The following ADGRB1 variants were observed in gnomAD, a reference collection of about 807,000 sequenced individuals.
ADGRB1 encodes brain-specific angiogenesis inhibitor 1.
Under a neutral mutation model 175.7 loss-of-function variants are expected in ADGRB1, and 36 were observed. The ratio of observed to expected loss-of-function variants is 0.20; its 90% CI spans 0.16 to 0.27. ADGRB1 has a LOEUF of 0.27. Among genes scored for constraint, ADGRB1 ranks in the 10% least tolerant of loss-of-function variants. The probability of loss-of-function intolerance (pLI) is 1.00; values close to 1 mark genes in which losing one functional copy is unlikely to be tolerated. For missense variants in ADGRB1, 1,731 were observed against 2,255.3 expected (o/e 0.77, Z 4.71); for synonymous variants, 1,054 against 979.4 (o/e 1.08, Z -1.42).
At chr8:142,476,985 G>T (rs1352497754) in intron 4 of ADGRB1, 129 bp from the exon 5 acceptor site, 9 of 1,306,456 alleles carry the variant, frequency 6.9e-6, no homozygotes. Context: ...TGGTTCGAAG[G>T]CCCGGGGGCT....
At chr8:142,526,118 G>A (rs28430277) in intron 23 of ADGRB1, among the ~76,000 whole-genome samples, 38,027 of 152,056 alleles carry the variant, frequency 0.25, 5,137 homozygotes, top group African/African-American at 0.34. Context: ...TGGGAATAGG[G>A]GAGGGAGATC....
At chr8:142,516,452 GTCTGTGCGGGCCCCAGA>G (rs1843440879) in intron 18 of ADGRB1, among the ~76,000 whole-genome samples, 1 of 139,444 alleles carries the variant, frequency 7.2e-6, no homozygotes. Flanking sequence ...AGGTGCGTGT[GTCTGTGCGGGCCCCAGA>G]TGTGTGTGTG....
chr8:142,451,054 C>T (rs1409723969), intron 1 of ADGRB1, among the ~76,000 whole-genome samples: 1 of 152,184 alleles, frequency 6.6e-6, no homozygotes, highest in Non-Finnish European at 1.5e-5. Context: ...CGGCCCCCGC[C>T]CCCTCCTGGG....
intron 17 of ADGRB1, among the ~76,000 whole-genome samples, chr8:142,496,184 T>G: frequency 7.1e-6 from 1 of 141,102 alleles, no homozygotes; most frequent in Admixed American, 7.1e-5. Context: ...TGACTGAATG[T>G]GTGGATGGAG....
chr8:142,513,012 T>C (rs1463009003), intron 18 of ADGRB1, among the ~76,000 whole-genome samples: 1 of 151,574 alleles, frequency 6.6e-6, no homozygotes, highest in African/African-American at 2.4e-5. Flanking sequence ...TCCTGGGCCT[T>C]CTTTGGCAGG....
chr8:142,542,398 C>A lies in ADGRB1; in HGVS notation c.4164C>A (p.Leu1388=). The A allele has an allele frequency of 6.5e-7, 1 of 1,548,628 alleles. No individual in the cohort carries two copies. Among genetic ancestry groups the A allele is most frequent in the Non-Finnish European group, 8.7e-7 (1 of 1,147,730 alleles). The change falls in exon 28 of 31, where the codon CTC becomes CTA. Residue 1388 remains leucine, a synonymous_variant. Transcript: ENST00000517894. The surrounding 1 kb of genome is among the most constrained non-coding windows in gnomAD (Gnocchi z 6.3). ...TCAGCACGGCCCCCGAGGCCAGCCT[C>A]CCCGCCCGCAGCCCGCCCTCCCGCC... ...IHLSTAPEAS[L]PARSPPSRQP...
chr8:142,526,733 G>T (rs1466361943), intron 24 of ADGRB1, 106 bp downstream of exon 24: 38 of 1,156,374 alleles, frequency 3.3e-5, no homozygotes, highest in Non-Finnish European at 4.0e-5. Context: ...GAGACTGCAG[G>T]TCCAGGGACC....
chr8:142,486,108 C>T (rs1277908215), intron 13 of ADGRB1, among the ~76,000 whole-genome samples: 1 of 152,184 alleles, frequency 6.6e-6, no homozygotes, highest in African/African-American at 2.4e-5. Flanking sequence ...AGCTATAGCA[C>T]ACCACAGACA....
At position 142,464,345 on chromosome 8, in the gene ADGRB1, A is replaced by C. The variant is rs936748153; in HGVS notation, c.147A>C (p.Gly49=). 3.3e-6 allele frequency: 5 copies of C among 1,512,086 alleles called. No homozygotes were observed. Among genetic ancestry groups the C allele is most frequent in the African/African-American group, 1.4e-5 (1 of 69,468 alleles). The allele number at this position is 1,512,086 out of a possible 1,614,324, so 93.7% of individuals were successfully genotyped here. A position where few individuals can be genotyped will look rare whatever the true frequency, so the allele number is the denominator to read the frequency against. The part of the protein sequence containing the change: ...GPEPCATLVQ[G]KFFGYFSAAA... ...AGCCGTGCGCCACGCTGGTGCAGGG[A>C]AAGTTCTTCGGCTACTTCTCCGCGG... Residue 49 remains glycine (G), a synonymous_variant, in exon 2 of 31, where the codon GGA becomes GGC. Transcript: ENST00000517894.
intron 24 of ADGRB1, among the ~76,000 whole-genome samples, chr8:142,529,865 A>G (rs1184833995): frequency 6.9e-6 from 1 of 144,166 alleles, no homozygotes; most frequent in Non-Finnish European, 1.5e-5. Flanking sequence ...TGTGGGTGCA[A>G]CCTGGTGTGT....
chr8:142,459,301 G>A (rs1158900230), intron 1 of ADGRB1, among the ~76,000 whole-genome samples: 1 of 152,148 alleles, frequency 6.6e-6, no homozygotes, highest in East Asian at 1.9e-4. Context: ...GGCTCCCAGG[G>A]GATCCTCCCA....
chr8:142,465,388 C>T (rs1840218787), intron 2 of ADGRB1, among the ~76,000 whole-genome samples: 1 of 152,186 alleles, frequency 6.6e-6, no homozygotes, highest in Non-Finnish European at 1.5e-5. Context: ...TTTAATGGGC[C>T]AGAGGCTGCA....
In ADGRB1 at chr8:142,542,011, C is replaced by T. The variant is rs61755064; in HGVS notation, c.3777C>T (p.Pro1259=). The T allele has an allele frequency of 3.2e-4, 514 of 1,601,514 alleles. No individual in the cohort carries two copies. Among genetic ancestry groups the T allele is most frequent in the African/African-American group, 1.6e-3 (116 of 74,656 alleles). The part of the protein sequence containing the change: ...ITGTLKRPSL[P]EEEKLKLAHA... Reference sequence around the variant, plus strand: ...GCACACTGAAGCGGCCGTCTCTGCCCGAGGAGGAGAAGCTGAAGCTGGCCC... The same window carrying T: ...GCACACTGAAGCGGCCGTCTCTGCCTGAGGAGGAGAAGCTGAAGCTGGCCC... Residue 1259 remains proline (P), a synonymous_variant, in exon 28 of 31, where the codon CCC becomes CCT. Coordinates refer to ENST00000517894, the MANE Select transcript of ADGRB1 (RefSeq NM_001702.3). This position sits in a 1 kb window ranked among gnomAD's most constrained non-coding sequence, Gnocchi z 6.3.
rs1296833973 is a variant in ADGRB1, at chr8:142,510,216, A to C, written c.2676-716A>C. Among the ~76,000 whole-genome samples, 1 of 152,132 alleles carries C rather than the reference A, an allele frequency of 6.6e-6. No homozygotes were observed. The highest frequency in any genetic ancestry group is 1.9e-4 in the East Asian group (1 of 5,160). ...GTCCTGTGCTTAAATGCGTGCTCAGATGAAAAGCGGGGCAGTCGCGGCCCG... is the reference window on the plus strand; with the variant it reads ...GTCCTGTGCTTAAATGCGTGCTCAGCTGAAAAGCGGGGCAGTCGCGGCCCG... On this transcript the variant is annotated intron_variant, in intron 17 of 30. Coordinates refer to ENST00000517894, the MANE Select transcript of ADGRB1 (RefSeq NM_001702.3). The surrounding 1 kb of genome is among the most constrained non-coding windows in gnomAD (Gnocchi z 6.3).
intron 1 of ADGRB1, among the ~76,000 whole-genome samples, chr8:142,459,595 G>A (rs548175758): frequency 4.6e-5 from 7 of 152,322 alleles, no homozygotes; most frequent in Non-Finnish European, 7.4e-5. Flanking sequence ...CGAAGCCCAG[G>A]CTGTCCCACA....
intron 11 of ADGRB1, among the ~76,000 whole-genome samples, chr8:142,482,067 C>CTGAGCCCTGACCCTGGTCACATGA (rs1563698001): frequency 6.6e-6 from 1 of 150,902 alleles, no homozygotes; most frequent in African/African-American, 2.4e-5. Flanking sequence ...TGGTCACATG[C>CTGAGCCCTGACCCTGGTCACATGA]TGAGCCCCAA....
chr8:142,524,401 C>T (rs2132149690), intron 23 of ADGRB1, 97 bp downstream of exon 23: 2 of 1,321,278 alleles, frequency 1.5e-6, no homozygotes, highest in South Asian at 1.4e-5. Context: ...GGCTGTGCAC[C>T]TGCTGTCCCT....
At position 142,515,586 on chromosome 8, in the gene ADGRB1, C is replaced by T. The variant is rs184123159; in HGVS notation, c.2818-2552C>T. Among the ~76,000 whole-genome samples the T allele has an allele frequency of 4.0e-4, 61 of 152,332 alleles. 1 individual carries two copies. The East Asian group carries it at 7.1e-3, about 18-fold the overall frequency. ...GCCGCCTGTGACCTTTGTGGCCAGC[C>T]GGCCTCAGGCCAGCCCAGTGTCTTG... On this transcript the variant is annotated intron_variant, in intron 18 of 30. Transcript: ENST00000517894.
intron 1 of ADGRB1, among the ~76,000 whole-genome samples, chr8:142,461,005 G>A (rs1047265380): frequency 1.9e-4 from 29 of 152,234 alleles, no homozygotes; most frequent in South Asian, 2.1e-4. Flanking sequence ...GGTTCAAGGC[G>A]TGGAGTCAGC....
Sources: allele counts gnomAD v4.1 joint callset (sites outside exome capture counted in the v4.1 genomes callset), GRCh38; gene constraint gnomAD v4.1.1; non-coding constraint Gnocchi (gnomAD v3.1); transcripts MANE v1.5; gene names NCBI Gene and HGNC (gene_info 2026-07-23, HGNC 2026-07-21).